The following SELENON variants were observed in gnomAD, a reference collection of about 807,000 sequenced individuals.
SELENON encodes selenoprotein N.
A neutral mutation model predicts 59.5 loss-of-function variants in SELENON; 44 were observed. The ratio of observed to expected loss-of-function variants is 0.74; its 90% confidence interval spans 0.58 to 0.95. The LOEUF (loss-of-function observed/expected upper bound fraction) is 0.95, where lower values mean the gene tolerates loss of function less well. SELENON is among the 40% of genes least tolerant of loss of function. The probability of loss-of-function intolerance (pLI) is 0.00; values close to 1 mark genes in which losing one functional copy is unlikely to be tolerated. For missense variants in SELENON, 674 were observed against 721.4 expected (o/e 0.93, Z 0.75); for synonymous variants, 320 against 305.6 (o/e 1.05, Z -0.49).
Position 25,808,584 on chromosome 1 carries a change from C to G in SELENON, c.542C>G (p.Ser181Cys). 1.2e-6 allele frequency: 2 copies of G among 1,613,552 alleles called. No homozygotes were observed. The highest frequency in any genetic ancestry group is 1.1e-5 in the South Asian group (1 of 91,078). Residue 181 changes from serine (S) to cysteine (C), a missense_variant, in exon 5 of 13, where the codon TCC becomes TGC. Coordinates refer to ENST00000361547, the MANE Select transcript of SELENON (RefSeq NM_020451.3). Reference sequence around the variant, plus strand: ...CTTTGCTTTCCCCCGCCCCAGGTCTCCCGCCTCGCCCTGTCCGGCCTCCGA... The same window carrying G: ...CTTTGCTTTCCCCCGCCCCAGGTCTGCCGCCTCGCCCTGTCCGGCCTCCGA...
Position 25,814,160 on chromosome 1 carries a change from C to T in SELENON, c.1584C>T (p.Cys528=). ...GCTTCCCCGTGGAGATGATGATCTG[C>T]CTGCCCAATGGCACCGTGGTAGGCA... Residue 528 remains cysteine (C), a synonymous_variant, in exon 12 of 13, where the codon TGC becomes TGT. Transcript: ENST00000361547. The T allele has an allele frequency of 1.2e-6, 2 of 1,614,088 alleles. No homozygotes were observed. The highest frequency in any genetic ancestry group is 1.7e-6 in the Non-Finnish European group (2 of 1,179,968).
rs1245173589 is a variant in SELENON, at chr1:25,808,747, G to A, written c.705G>A (p.Leu235=). 1 of 1,613,998 alleles carries A rather than the reference G, an allele frequency of 6.2e-7. No homozygotes were observed. The highest frequency in any genetic ancestry group is 1.1e-5 in the South Asian group (1 of 91,086). The change falls in exon 5 of 13, where the codon CTG becomes CTA. Residue 235 remains leucine (L), a synonymous_variant. Coordinates refer to ENST00000361547, the MANE Select transcript of SELENON (RefSeq NM_020451.3). ...AGCTGAGCATGTTCACTGGCTACCT[G>A]TCCAACAACCGCTTCTATCCACCGC...
chr1:25,809,723 C>T lies in SELENON; in HGVS notation c.913C>T (p.Pro305Ser). 2 of 1,614,154 alleles carry T rather than the reference C, an allele frequency of 1.2e-6. No homozygotes were observed. Among genetic ancestry groups the T allele is most frequent in the Non-Finnish European group, 1.7e-6 (2 of 1,180,038 alleles). Residue 305 changes from proline (P) to serine (S), a missense_variant, in exon 7 of 13, where the codon CCC becomes TCC. Physicochemically the swap from Pro to Ser is moderately conservative, Grantham distance 74 (BLOSUM62 -1). Coordinates refer to ENST00000361547, the MANE Select transcript of SELENON (RefSeq NM_020451.3). ...CCAGCTCAGTGAGCCGCCCGACTTCCCCTTTTGGTTCTCCCCTGCTCAGTT... is the reference window on the plus strand; with the variant it reads ...CCAGCTCAGTGAGCCGCCCGACTTCTCCTTTTGGTTCTCCCCTGCTCAGTT...
At chr1:25,810,963 C>T (rs575945527) in intron 7 of SELENON, among the ~76,000 whole-genome samples, 1 of 152,332 alleles carries the variant, frequency 6.6e-6, no homozygotes, top group Admixed American at 6.5e-5. Flanking sequence ...TTACCTAGCT[C>T]TGCCCTCTGT....
chr1:25,814,278 A>T (rs904592072), intron 12 of SELENON, 100 bp downstream of exon 11: 9 of 878,646 alleles, frequency 1.0e-5, no homozygotes, highest in Non-Finnish European at 1.5e-5. Flanking sequence ...AGGCTTCGGG[A>T]CTGTCCCTGC....
At position 25,807,282 on chromosome 1, in the gene SELENON, C is replaced by T. The variant is rs1439019188; in HGVS notation, c.538-1298C>T. Among the ~76,000 whole-genome samples the T allele has an allele frequency of 6.6e-6, 1 of 152,162 alleles. No individual in the cohort carries two copies. Among genetic ancestry groups the T allele is most frequent in the East Asian group, 1.9e-4 (1 of 5,194 alleles). On this transcript the variant is annotated intron_variant, in intron 4 of 12. Transcript: ENST00000361547. The surrounding 1 kb of genome is among the most constrained non-coding windows in gnomAD (Gnocchi z 4.5). ...ATAAGCTCCAAGAAGACAGGGTGCACAGTGTACCCTGATAGAAACTTCCTA... is the reference window on the plus strand; with the variant it reads ...ATAAGCTCCAAGAAGACAGGGTGCATAGTGTACCCTGATAGAAACTTCCTA...
At chr1:25,811,559 C>T in intron 8 of SELENON, 24 bp downstream of exon 7, 1 of 1,612,008 alleles carries the variant, frequency 6.2e-7, no homozygotes, top group South Asian at 1.1e-5. Context: ...AGGCTCCCAT[C>T]CAGGTGGGCT....
intron 6 of SELENON, 137 bp from the exon 6 acceptor site, chr1:25,809,546 G>A: frequency 1.6e-6 from 2 of 1,238,356 alleles, no homozygotes; most frequent in Middle Eastern, 2.5e-4. Context: ...CATTTGGAGA[G>A]CCTCGCTGCT....
Position 25,808,057 on chromosome 1 carries a change from A to G in SELENON, c.538-523A>G, listed in dbSNP as rs563153566. Among the ~76,000 whole-genome samples, 406 of 152,302 alleles carry G rather than the reference A, an allele frequency of 2.7e-3. 2 individuals are homozygous for G. Among genetic ancestry groups the G allele is most frequent in the African/African-American group, 9.0e-3 (376 of 41,568 alleles). On this transcript the variant is annotated intron_variant, in intron 4 of 12. Coordinates refer to ENST00000361547, the MANE Select transcript of SELENON (RefSeq NM_020451.3). The stretch of plus-strand genomic sequence containing the variant: ...ATTGGCCACCACCCTCATCGGACTT[A>G]GCTCCAAACCGAAACCCTGAGCTGG...
rs901815014 is a variant in SELENON at position 25,807,066 on chromosome 1, C to T, written c.538-1514C>T. Among the ~76,000 whole-genome samples, 2 of 152,038 alleles carry T rather than the reference C, an allele frequency of 1.3e-5. No homozygotes were observed. Among genetic ancestry groups the T allele is most frequent in the African/African-American group, 2.4e-5 (1 of 41,406 alleles). ...TTCAATCTCCTGACCTCGTGATCCA[C>T]CTGCCTCGGCCTCCCGAATTATAGG... On this transcript the variant is annotated intron_variant, in intron 4 of 12. Coordinates refer to ENST00000361547, the MANE Select transcript of SELENON (RefSeq NM_020451.3). This position sits in a 1 kb window ranked among gnomAD's most constrained non-coding sequence, Gnocchi z 4.5.
chr1:25,808,625 G>A lies in SELENON; in HGVS notation c.583G>A (p.Ala195Thr), dbSNP rs115852080. Residue 195 changes from alanine (A) to threonine (T), a missense_variant, in exon 5 of 13, where the codon GCC becomes ACC. Ala to Thr is a moderately conservative substitution (Grantham distance 58). Coordinates refer to ENST00000361547, the MANE Select transcript of SELENON (RefSeq NM_020451.3). ...CGGCCTCCGAAACTGGACAGCCGCC[G>A]CCTCACCAAGTGCAGTGTTTGCCAC... is the stretch of plus-strand genomic sequence containing the variant. 21,107 of 1,613,668 alleles carry A rather than the reference G, an allele frequency of 0.013. 194 individuals are homozygous for A. Among genetic ancestry groups the A allele is most frequent in the Middle Eastern group, 0.016 (94 of 6,046 alleles).
Position 25,811,726 on chromosome 1 carries a change from C to T in SELENON, c.1128C>T (p.Ser376=), listed in dbSNP as rs377230143. The T allele has an allele frequency of 1.7e-5, 28 of 1,606,186 alleles. No individual in the cohort carries two copies. Among genetic ancestry groups the T allele is most frequent in the Middle Eastern group, 1.6e-4 (1 of 6,070 alleles). Residue 376 remains serine (S), a synonymous_variant, in exon 9 of 13, where the codon TCC becomes TCT. Coordinates refer to ENST00000361547, the MANE Select transcript of SELENON (RefSeq NM_020451.3). The stretch of plus-strand genomic sequence containing the variant: ...AGGCCACGGGCCCCTCTGTGCCCTC[C>T]GTGATCCTGGATGAGGATGGCAGCA...
intron 12 of SELENON, among the ~76,000 whole-genome samples, chr1:25,815,269 G>C (rs958969381): frequency 6.6e-6 from 1 of 152,086 alleles, no homozygotes; most frequent in Non-Finnish European, 1.5e-5. Context: ...GGTCATTTCG[G>C]GGGGCGGGGG....
intron 3 of SELENON, among the ~76,000 whole-genome samples, chr1:25,804,848 C>G (rs2047891951): frequency 6.6e-6 from 1 of 152,104 alleles, no homozygotes; most frequent in African/African-American, 2.4e-5. Context: ...AGTAAACAGG[C>G]CTGGGTTTCA....
intron 1 of SELENON, 66 bp downstream of exon 1, chr1:25,800,479 C>T (rs1572227079): frequency 1.1e-6 from 1 of 903,512 alleles, no homozygotes; most frequent in East Asian, 6.1e-5. Context: ...GCCTCGGCAG[C>T]AGGGGGGACA....
At chr1:25,810,337 C>T (rs111359847) in intron 7 of SELENON, among the ~76,000 whole-genome samples, 19 of 152,360 alleles carry the variant, frequency 1.2e-4, no homozygotes, top group African/African-American at 1.7e-4. Flanking sequence ...GCTTCCGGGA[C>T]GGTGCTACAC....
At chr1:25,808,286 GGCCTGGGCTGC>G (rs956297447) in intron 4 of SELENON, among the ~76,000 whole-genome samples, 10 of 151,996 alleles carry the variant, frequency 6.6e-5, no homozygotes, top group African/African-American at 2.4e-4. Context: ...GAGCTGCTCT[GGCCTGGGCTGC>G]GCCTGGGTGG....
rs1452203834 is a variant in SELENON, at chr1:25,800,273, G to C, written c.43G>C (p.Gly15Arg). 3 of 973,250 alleles carry C rather than the reference G, an allele frequency of 3.1e-6. No individual in the cohort carries two copies. The highest frequency in any genetic ancestry group is 3.7e-6 in the Non-Finnish European group (3 of 819,874). 60.3% of individuals were successfully genotyped at this position (973,250 alleles called of 1,614,324 possible). The change falls in exon 1 of 13, where the codon GGC (glycine) becomes CGC (arginine). Residue 15 changes from glycine (G) to arginine (R), a missense_variant. Gly to Arg is a moderately radical substitution (Grantham distance 125). Coordinates refer to ENST00000361547, the MANE Select transcript of SELENON (RefSeq NM_020451.3). ...GGGCCAACGCGGGCCGCCCAGCCCC[G>C]GCCCCGCCGCGCAGCCTCCCGCGCC...
At chr1:25,810,092 T>C (rs1182536227) in intron 7 of SELENON, among the ~76,000 whole-genome samples, 1 of 152,038 alleles carries the variant, frequency 6.6e-6, no homozygotes, top group African/African-American at 2.4e-5. Flanking sequence ...AAGCTGGGCC[T>C]CCCCGCCCTC....
Sources: allele counts gnomAD v4.1 joint callset (sites outside exome capture counted in the v4.1 genomes callset), GRCh38; gene constraint gnomAD v4.1.1; non-coding constraint Gnocchi (gnomAD v3.1); transcripts MANE v1.5; gene names NCBI Gene and HGNC (gene_info 2026-07-23, HGNC 2026-07-21).